The following CLIP2 variants were observed in gnomAD, a reference collection of about 807,000 sequenced individuals.
CLIP2 encodes the protein CAP-Gly domain-containing linker protein 2.
Under a neutral mutation model 111.7 loss-of-function variants are expected in CLIP2, and 41 were observed. The observed-to-expected ratio is 0.37, with a 90% CI of 0.29 to 0.48. CLIP2 has a LOEUF of 0.48. CLIP2 is among the 20% of genes least tolerant of loss of function. The pLI, the probability that CLIP2 is intolerant of heterozygous loss-of-function variation, is 0.99. For missense variants in CLIP2, 1,160 were observed against 1,422.1 expected (o/e 0.82, Z 2.96); for synonymous variants, 660 against 644.2 (o/e 1.02, Z -0.37).
chr7:74,299,802 G>A (rs562951637), intron 1 of CLIP2, among the ~76,000 whole-genome samples: 2 of 152,040 alleles, frequency 1.3e-5, no homozygotes, highest in East Asian at 3.9e-4. Flanking sequence ...GGGTTCAAGC[G>A]ATTCTCCTGC....
chr7:74,298,004 C>A (rs569771148), intron 1 of CLIP2, among the ~76,000 whole-genome samples: 2 of 151,872 alleles, frequency 1.3e-5, no homozygotes, highest in Non-Finnish European at 2.9e-5. Flanking sequence ...GTCCTAGGTA[C>A]CGAGAACCCA....
At chr7:74,374,521 G>T (rs1190929617) in intron 9 of CLIP2, among the ~76,000 whole-genome samples, 3 of 152,164 alleles carry the variant, frequency 2.0e-5, no homozygotes, top group African/African-American at 7.2e-5. Context: ...AGGAGTTCAA[G>T]ACCAGACTGG....
At chr7:74,315,448 T>G (rs1262477707) in intron 1 of CLIP2, among the ~76,000 whole-genome samples, 2 of 152,172 alleles carry the variant, frequency 1.3e-5, no homozygotes, top group African/African-American at 4.8e-5. Flanking sequence ...TCTCACTATG[T>G]TGCCCAGGTG....
At chr7:74,401,394 GT>G in intron 15 of CLIP2, 110 bp from the exon 16 acceptor site, 3 of 1,004,432 alleles carry the variant, frequency 3.0e-6, no homozygotes, top group Non-Finnish European at 4.6e-6. Flanking sequence ...GGCTGAAGGG[GT>G]TGGAATTTGG....
intron 2 of CLIP2, among the ~76,000 whole-genome samples, chr7:74,332,723 A>G (rs922743384): frequency 6.6e-5 from 10 of 152,040 alleles, no homozygotes; most frequent in Non-Finnish European, 1.0e-4. Context: ...TTCGAGGTGG[A>G]GCCCTCCCTC....
At chr7:74,307,095 C>T (rs1484503985) in intron 1 of CLIP2, among the ~76,000 whole-genome samples, 2 of 152,362 alleles carry the variant, frequency 1.3e-5, no homozygotes, top group African/African-American at 4.8e-5. Context: ...TCTCCCCTTC[C>T]GGGTGCTCCT....
At chr7:74,386,043 C>CTTT (rs71519330) in intron 11 of CLIP2, among the ~76,000 whole-genome samples, 7 of 124,068 alleles carry the variant, frequency 5.6e-5, no homozygotes, top group Admixed American at 8.6e-5. Context: ...CGCCCAGCCT[C>CTTT]TTTTTTTTTT....
chr7:74,303,201 G>A lies in CLIP2; in HGVS notation c.-68+13467G>A, dbSNP rs115356501. Among the ~76,000 whole-genome samples the A allele has an allele frequency of 5.5e-3, 843 of 152,316 alleles. 10 individuals are homozygous for A. Among genetic ancestry groups the A allele is most frequent in the African/African-American group, 0.019 (792 of 41,570 alleles). On this transcript the variant is annotated intron_variant, in intron 1 of 16. Transcript: ENST00000223398. The stretch of plus-strand genomic sequence containing the variant: ...TTCTTGCCCTGGTCAGGGAGGATGT[G>A]GAGACTCTAGCTTCACCACTGGGTG...
intron 1 of CLIP2, among the ~76,000 whole-genome samples, chr7:74,304,675 T>A (rs1210267881): frequency 6.7e-6 from 1 of 150,230 alleles, no homozygotes; most frequent in Non-Finnish European, 1.5e-5. Flanking sequence ...TAACAAAGGC[T>A]GGGCATGGTG....
intron 13 of CLIP2, among the ~76,000 whole-genome samples, chr7:74,390,211 A>AAG (rs1468967730): frequency 1.0e-5 from 1 of 95,732 alleles, no homozygotes; most frequent in East Asian, 2.2e-4. Context: ...GAAAGAAAGA[A>AAG]AGAAAGAAAG....
intron 2 of CLIP2, among the ~76,000 whole-genome samples, chr7:74,326,906 G>C (rs1375556693): frequency 1.3e-5 from 2 of 151,622 alleles, no homozygotes; most frequent in Non-Finnish European, 2.9e-5. Context: ...AAAGTGCTAG[G>C]ATTACAGGCC....
chr7:74,345,888 T>G (rs1454001625), intron 3 of CLIP2, among the ~76,000 whole-genome samples: 3 of 151,938 alleles, frequency 2.0e-5, no homozygotes, highest in Non-Finnish European at 2.9e-5. Flanking sequence ...AAGAAAGAAA[T>G]ATTTAGGTTC....
chr7:74,306,985 C>G (rs782361149), intron 1 of CLIP2, among the ~76,000 whole-genome samples: 1 of 152,324 alleles, frequency 6.6e-6, no homozygotes, highest in South Asian at 2.1e-4. Flanking sequence ...CAAGTCCCAG[C>G]GTTTTCCAAG....
rs117435399 is a variant in CLIP2, at chr7:74,368,844, C to T, written c.1381-4088C>T. On this transcript the variant is annotated intron_variant, in intron 8 of 16. Transcript: ENST00000223398. ...AGCTTCAACAGTCATCAACTCACCG[C>T]CAGTCTTATTTCAGCCATGCCCTGA... 6.5e-3 allele frequency among the ~76,000 whole-genome samples: 984 copies of T among 152,356 alleles called. 6 individuals are homozygous for T. The highest frequency in any genetic ancestry group is 0.036 in the East Asian group (188 of 5,188).
In CLIP2 at chr7:74,357,432, C is replaced by T. The variant is rs371138716; in HGVS notation, c.1170C>T (p.Cys390=). The T allele has an allele frequency of 1.2e-5, 20 of 1,613,942 alleles. No individual in the cohort carries two copies. In the South Asian group the frequency reaches 1.5e-4, roughly 12 times the overall value. ...TGGCCAAGGCCACAAGCCACATCTG[C>T]GAGGTGGAGAAGGAGATTGCCCTGC... ...AEVAKATSHI[C]EVEKEIALLK... Residue 390 remains cysteine (C), a synonymous_variant, in exon 6 of 17, where the codon TGC becomes TGT. Coordinates refer to ENST00000223398, the MANE Select transcript of CLIP2 (RefSeq NM_003388.5).
chr7:74,364,164 C>T (rs1562711569), intron 7 of CLIP2, 91 bp from the exon 8 acceptor site: 1 of 1,200,204 alleles, frequency 8.3e-7, no homozygotes, highest in Non-Finnish European at 1.2e-6. Flanking sequence ...GGGCCATTCT[C>T]ATGGCCTTGC....
At chr7:74,304,632 C>CAT (rs1788426578) in intron 1 of CLIP2, among the ~76,000 whole-genome samples, 1 of 150,970 alleles carries the variant, frequency 6.6e-6, no homozygotes, top group Non-Finnish European at 1.5e-5. Context: ...CCCATGTGCA[C>CAT]CCCATAGGGC....
intron 1 of CLIP2, among the ~76,000 whole-genome samples, chr7:74,289,935 T>A (rs1256707448): frequency 2.6e-5 from 4 of 152,086 alleles, no homozygotes; most frequent in Non-Finnish European, 5.9e-5. Context: ...TCCCCGTTGC[T>A]TGTAGGAGAG....
chr7:74,336,053 C>T (rs902568703), intron 2 of CLIP2, among the ~76,000 whole-genome samples: 1 of 150,658 alleles, frequency 6.6e-6, no homozygotes, highest in Admixed American at 6.7e-5. Context: ...CTCTTCTTTT[C>T]TCTTTTTTCT....
Sources: allele counts gnomAD v4.1 joint callset (sites outside exome capture counted in the v4.1 genomes callset), GRCh38; gene constraint gnomAD v4.1.1; transcripts MANE v1.5; gene names NCBI Gene and HGNC (gene_info 2026-07-23, HGNC 2026-07-21).